The following HNRNPH1 variants were observed in gnomAD, a reference collection of about 807,000 sequenced individuals.
HNRNPH1 encodes the protein heterogeneous nuclear ribonucleoprotein H.
A neutral mutation model predicts 58.6 loss-of-function variants in HNRNPH1; 4 were observed. The ratio of observed to expected loss-of-function variants is 0.07; its 90% CI spans 0.03 to 0.16. The LOEUF (loss-of-function observed/expected upper bound fraction) is 0.16. Among genes scored for constraint, HNRNPH1 ranks in the 10% least tolerant of loss-of-function variants. HNRNPH1 has a pLI of 1.00. For missense variants in HNRNPH1, 271 were observed against 564.2 expected, an observed-to-expected ratio of 0.48 and a Z score of 5.26; for synonymous variants, 192 against 189.2, an observed-to-expected ratio of 1.01 and a Z score of -0.12.
At chr5:179,615,550 G>T in exon 12 of HNRNPH1, 1 of 1,512,044 alleles carries the variant, frequency 6.6e-7, no homozygotes, top group South Asian at 1.1e-5. Context: ...ATTTACCTAT[G>T]CAATGTTTGA....
intron 2 of HNRNPH1, among the ~76,000 whole-genome samples, chr5:179,633,338 C>G (rs1285348809): frequency 1.3e-5 from 2 of 151,834 alleles, no homozygotes; most frequent in Non-Finnish European, 2.9e-5. Flanking sequence ...CTTTATCGCC[C>G]AGGCTGGAGT....
upstream of HNRNPH1, among the ~76,000 whole-genome samples, chr5:179,626,170 C>A (rs191197230): frequency 1.3e-3 from 200 of 152,120 alleles, no homozygotes; most frequent in African/African-American, 4.6e-3. Context: ...GTGGTGCAAT[C>A]TTGGCTCACT....
chr5:179,616,157 G>A, exon 11 of HNRNPH1: 1 of 1,614,070 alleles, frequency 6.2e-7, no homozygotes, highest in Non-Finnish European at 8.5e-7. Flanking sequence ...GGCCACCGTA[G>A]CCGCCTCCGT....
At chr5:179,621,990 G>T (rs776850090) in intron 1 of HNRNPH1, 5 of 456,284 alleles carry the variant, frequency 1.1e-5, no homozygotes, top group South Asian at 3.1e-5. Flanking sequence ...AATTCAGATA[G>T]TAAGTCAATA....
At chr5:179,633,573 A>C (rs887002790) in intron 2 of HNRNPH1, among the ~76,000 whole-genome samples, 15 of 150,770 alleles carry the variant, frequency 9.9e-5, no homozygotes, top group African/African-American at 3.7e-4. Flanking sequence ...TGGCCTCCCA[A>C]AGTGCTGGGA....
At chr5:179,615,019 A>G in intron 12 of HNRNPH1, 60 bp from the exon 14 acceptor site, 1 of 1,022,592 alleles carries the variant, frequency 9.8e-7, no homozygotes, top group South Asian at 1.4e-5. Context: ...CAAATAAAAT[A>G]TAGTATTCCA....
upstream of HNRNPH1, among the ~76,000 whole-genome samples, chr5:179,625,348 T>C (rs1414110807): frequency 5.1e-4 from 9 of 17,820 alleles, no homozygotes; most frequent in Non-Finnish European, 1.2e-3. Context: ...ATACAAAAAT[T>C]ATCTATGCAT....
exon 7 of HNRNPH1, chr5:179,617,917 A>G: frequency 6.2e-7 from 1 of 1,614,184 alleles, no homozygotes; most frequent in Non-Finnish European, 8.5e-7. Flanking sequence ...CATTCCTGAA[A>G]AACAGTAATT....
chr5:179,616,245 C>G, intron 10 of HNRNPH1, 27 bp from the exon 12 acceptor site: 2 of 1,574,140 alleles, frequency 1.3e-6, no homozygotes, highest in Non-Finnish European at 1.7e-6. Context: ...ACATTAGAAC[C>G]TTTTTTCTTA....
At chr5:179,625,104 G>C (rs183551867), upstream of HNRNPH1, among the ~76,000 whole-genome samples, 1 of 152,178 alleles carries the variant, frequency 6.6e-6, no homozygotes, top group Non-Finnish European at 1.5e-5. Context: ...GGAGCAGGCA[G>C]GGTGAATGAC....
chr5:179,614,985 T>C, intron 12 of HNRNPH1, 26 bp from the exon 14 acceptor site: 1 of 1,291,676 alleles, frequency 7.7e-7, no homozygotes, highest in Non-Finnish European at 1.1e-6. Flanking sequence ...TTTGACAAGT[T>C]AGGAGTAATA....
At chr5:179,632,942 C>A (rs1774972659) in intron 2 of HNRNPH1, among the ~76,000 whole-genome samples, 2 of 146,900 alleles carry the variant, frequency 1.4e-5, no homozygotes, top group South Asian at 2.2e-4. Flanking sequence ...ACTGCAACAT[C>A]CAGCTCCTGT....
exon 1 of HNRNPH1, chr5:179,623,140 T>C: frequency 3.1e-6 from 5 of 1,599,128 alleles, no homozygotes; most frequent in Non-Finnish European, 4.3e-6. Context: ...TCATCGTCTC[T>C]TACGCGGTCC....
intron 3 of HNRNPH1, among the ~76,000 whole-genome samples, chr5:179,620,247 A>G (rs986255796): frequency 1.3e-5 from 2 of 152,248 alleles, no homozygotes. Flanking sequence ...AATATACGAT[A>G]TCTTATCTAA....
upstream of HNRNPH1, among the ~76,000 whole-genome samples, chr5:179,627,390 A>C (rs1359437646): frequency 3.3e-5 from 5 of 150,112 alleles, no homozygotes; most frequent in African/African-American, 9.8e-5. Flanking sequence ...TGGGGGTCTC[A>C]CTATGTTGCC....
chr5:179,633,621 A>T (rs934743036), intron 2 of HNRNPH1, among the ~76,000 whole-genome samples: 4 of 152,078 alleles, frequency 2.6e-5, no homozygotes, highest in African/African-American at 9.7e-5. Context: ...CTGTCCAAAA[A>T]ATAAAATAAA....
intron 4 of HNRNPH1, 192 bp downstream of exon 5, chr5:179,619,077 A>C: frequency 2.1e-6 from 1 of 485,914 alleles, no homozygotes; most frequent in South Asian, 3.4e-5. Context: ...CAGACCAATT[A>C]ACTAGGGACA....
At chr5:179,632,211 G>A (rs1025711594) in intron 2 of HNRNPH1, among the ~76,000 whole-genome samples, 2 of 152,122 alleles carry the variant, frequency 1.3e-5, no homozygotes, top group Admixed American at 1.3e-4. Flanking sequence ...GGGAGGCTGA[G>A]GCAGGAGAAT....
chr5:179,618,388 G>T, intron 4 of HNRNPH1, 65 bp from the exon 6 acceptor site: 2 of 1,100,070 alleles, frequency 1.8e-6, no homozygotes. Context: ...TTTTATACAG[G>T]TATTTAGTTA....
Sources: gnomAD v4.1 joint callset for allele counts (sites outside exome capture counted in the v4.1 genomes callset) on GRCh38, gnomAD v4.1.1 for gene constraint, MANE v1.5 for transcripts, NCBI Gene and HGNC (gene_info 2026-07-23, HGNC 2026-07-21) for gene names.